TMEM135: variants seen among roughly 807,000 people sequenced by gnomAD.
TMEM135 encodes the protein peroxisomal membrane protein 52.
A neutral mutation model predicts 60.3 loss-of-function variants in TMEM135; 30 were observed. The ratio of observed to expected loss-of-function variants is 0.50; its 90% CI spans 0.37 to 0.68. The LOEUF is 0.68. Ranked by LOEUF, TMEM135 falls within the 30% of genes least tolerant of loss-of-function variation. TMEM135 has a pLI of 0.00. For missense variants in TMEM135, 468 were observed against 548.8 expected (o/e 0.85, Z 1.47); for synonymous variants, 190 against 186.7 (o/e 1.02, Z -0.14).
chr11:87,075,006 C>T (rs768283120), intron 3 of TMEM135, among the ~76,000 whole-genome samples: 3 of 152,052 alleles, frequency 2.0e-5, no homozygotes, highest in Non-Finnish European at 4.4e-5. Flanking sequence ...GTGATGTGAT[C>T]ATAGCTCACT....
Position 87,328,065 on chromosome 11 carries a change from A to C in TMEM135, c.*6732A>C, listed in dbSNP as rs1266727521. Reference sequence around the variant, plus strand: ...TTACCAGTTCTCTAGATATTCCTTAATCCAGTCAAGTTGATGCCTAAAATT... The same window carrying C: ...TTACCAGTTCTCTAGATATTCCTTACTCCAGTCAAGTTGATGCCTAAAATT... On this transcript the variant is annotated 3_prime_UTR_variant, in exon 15 of 15. Coordinates refer to ENST00000305494, the MANE Select transcript of TMEM135 (RefSeq NM_022918.4). The C allele has an allele frequency of 2.2e-6, 1 of 453,918 alleles. No homozygotes were observed. The highest frequency in any genetic ancestry group is 4.4e-6 in the Non-Finnish European group (1 of 226,784). 28.1% of individuals were successfully genotyped at this position (453,918 alleles called of 1,614,324 possible).
intron 4 of TMEM135, among the ~76,000 whole-genome samples, chr11:87,116,634 C>T (rs979460045): frequency 9.2e-5 from 12 of 130,726 alleles, no homozygotes; most frequent in East Asian, 3.2e-4. Context: ...CACACATACA[C>T]ACACACACAC....
intron 5 of TMEM135, among the ~76,000 whole-genome samples, chr11:87,228,725 A>T (rs1940821198): frequency 6.6e-6 from 1 of 152,182 alleles, no homozygotes. Flanking sequence ...TGTGGTGGGA[A>T]ATAGTTAAAT....
intron 5 of TMEM135, among the ~76,000 whole-genome samples, chr11:87,200,601 C>A (rs1380584038): frequency 6.6e-6 from 1 of 152,186 alleles, no homozygotes; most frequent in Admixed American, 6.5e-5. Context: ...CAATCAAAGA[C>A]CTTACATTGA....
At chr11:87,065,063 A>G (rs1451769974) in intron 1 of TMEM135, among the ~76,000 whole-genome samples, 2 of 151,972 alleles carry the variant, frequency 1.3e-5, no homozygotes, top group African/African-American at 2.4e-5. Flanking sequence ...TGTCATGGCT[A>G]TATCACAATT....
chr11:87,069,884 A>G (rs1359629487), intron 2 of TMEM135, among the ~76,000 whole-genome samples: 1 of 152,064 alleles, frequency 6.6e-6, no homozygotes, highest in Non-Finnish European at 1.5e-5. Flanking sequence ...TTAAGAAATT[A>G]TTTCAGGCCA....
chr11:87,120,623 G>A (rs1469240691), intron 4 of TMEM135, among the ~76,000 whole-genome samples: 3 of 151,552 alleles, frequency 2.0e-5, no homozygotes, highest in African/African-American at 7.3e-5. Flanking sequence ...ATGTGCCACC[G>A]TGCCCAGATA....
chr11:87,289,864 T>G (rs1942235579), intron 6 of TMEM135, among the ~76,000 whole-genome samples: 1 of 152,222 alleles, frequency 6.6e-6, no homozygotes, highest in Non-Finnish European at 1.5e-5. Context: ...CTTCCACATA[T>G]GAGTGAGAAC....
At chr11:87,125,329 G>C (rs751973404) in intron 4 of TMEM135, among the ~76,000 whole-genome samples, 3 of 152,184 alleles carry the variant, frequency 2.0e-5, no homozygotes, top group African/African-American at 4.8e-5. Context: ...GGAAGTGCTA[G>C]GTAGAAAATA....
chr11:87,146,545 G>A (rs1338915623), intron 4 of TMEM135, among the ~76,000 whole-genome samples: 1 of 152,066 alleles, frequency 6.6e-6, no homozygotes, highest in Non-Finnish European at 1.5e-5. Context: ...ACTCTACCTG[G>A]TGATTTTTGC....
rs1466966058 is a variant in TMEM135 at position 87,209,584 on chromosome 11, C to T, written c.463-27054C>T. Among the ~76,000 whole-genome samples, 6 of 152,162 alleles carry T rather than the reference C, an allele frequency of 3.9e-5. No individual in the cohort carries two copies. The East Asian group carries it at 1.2e-3, about 29-fold the overall frequency. ...TAGATCTACAAAGAGATTTATATAA[C>T]CATATATTAATAGTGGGAGACTTCA... On this transcript the variant is annotated intron_variant, in intron 5 of 14. Transcript: ENST00000305494.
chr11:87,100,798 G>A (rs1026281424), intron 4 of TMEM135, among the ~76,000 whole-genome samples: 1 of 152,014 alleles, frequency 6.6e-6, no homozygotes, highest in African/African-American at 2.4e-5. Flanking sequence ...GGAGGTGGAG[G>A]TTGCAGTAAG....
chr11:87,119,524 G>A (rs192385134), intron 4 of TMEM135, among the ~76,000 whole-genome samples: 5 of 152,346 alleles, frequency 3.3e-5, no homozygotes, highest in Non-Finnish European at 5.9e-5. Context: ...CCAACATGGC[G>A]AAATGATGTC....
intron 4 of TMEM135, among the ~76,000 whole-genome samples, chr11:87,098,209 C>T (rs1857374189): frequency 6.6e-6 from 1 of 151,614 alleles, no homozygotes; most frequent in East Asian, 1.9e-4. Flanking sequence ...ATAATAACTC[C>T]TGTAAGCTTA....
intron 12 of TMEM135, among the ~76,000 whole-genome samples, chr11:87,317,480 A>G (rs997386768): frequency 2.0e-5 from 3 of 152,096 alleles, no homozygotes; most frequent in African/African-American, 4.8e-5. Context: ...AATCCTCAGT[A>G]TATACTTTTG....
At position 87,324,139 on chromosome 11, in the gene TMEM135, C is replaced by G. The variant is rs767093131; in HGVS notation, c.*2806C>G. The G allele has an allele frequency of 2.2e-6, 1 of 454,032 alleles. No homozygotes were observed. The highest frequency in any genetic ancestry group is 4.4e-6 in the Non-Finnish European group (1 of 226,772). The allele number at this position is 454,032 out of a possible 1,614,324, so 28.1% of individuals were successfully genotyped here. A position where few individuals can be genotyped will look rare whatever the true frequency, so the allele number is the denominator to read the frequency against. ...CGTCTCCTTGTAGATTGTATCTAGG[C>G]TAACATTTCATTTAGTTGTTAATGC... On this transcript the variant is annotated 3_prime_UTR_variant, in exon 15 of 15. Transcript: ENST00000305494.
intron 5 of TMEM135, among the ~76,000 whole-genome samples, chr11:87,208,421 A>G (rs1173759679): frequency 6.6e-6 from 1 of 152,190 alleles, no homozygotes; most frequent in Admixed American, 6.5e-5. Context: ...TCAAAATACA[A>G]TTGGAAGCAC....
chr11:87,108,114 A>AT lies in TMEM135; in HGVS notation c.396+16725dup, dbSNP rs767333256. ...GCCCACTTGTTGATGGGGTTGTTTGATTTTTTCTTGTAAATTTGTTTAAGT... is the reference window on the plus strand; with the variant it reads ...GCCCACTTGTTGATGGGGTTGTTTGATTTTTTTCTTGTAAATTTGTTTAAGT... On this transcript the variant is annotated intron_variant, in intron 4 of 14. Coordinates refer to ENST00000305494, the MANE Select transcript of TMEM135 (RefSeq NM_022918.4). Among the ~76,000 whole-genome samples, 493 of 151,850 alleles carry AT rather than the reference A, an allele frequency of 3.2e-3. 5 individuals are homozygous for AT. The highest frequency in any genetic ancestry group is 0.011 in the African/African-American group (469 of 41,432).
chr11:87,182,985 T>C (rs1939556345), intron 5 of TMEM135, among the ~76,000 whole-genome samples: 1 of 152,052 alleles, frequency 6.6e-6, no homozygotes, highest in East Asian at 1.9e-4. Context: ...TTGATTACTT[T>C]TAATTCCAGG....
Sources: gnomAD v4.1 joint callset for allele counts (sites outside exome capture counted in the v4.1 genomes callset) on GRCh38, gnomAD v4.1.1 for gene constraint, MANE v1.5 for transcripts, NCBI Gene and HGNC (gene_info 2026-07-23, HGNC 2026-07-21) for gene names.